Variants in FANCC observed in about 807,000 individuals in gnomAD.
The protein encoded by FANCC is FA complementation group C.
FANCC carries 55 observed loss-of-function variants against 71.3 expected under a neutral mutation model. The observed-to-expected ratio is 0.77, with a 90% CI of 0.62 to 0.97. The LOEUF (loss-of-function observed/expected upper bound fraction) is 0.97. Among genes scored for constraint, FANCC ranks in the 50% least tolerant of loss-of-function variants. FANCC has a pLI of 0.00. For missense variants in FANCC, 678 were observed against 670.9 expected, an observed-to-expected ratio of 1.01 and a Z score of -0.12; for synonymous variants, 275 against 244.9, an observed-to-expected ratio of 1.12 and a Z score of -1.15.
At chr9:95,257,731 A>G (rs991145431) in intron 1 of FANCC, among the ~76,000 whole-genome samples, 1 of 152,198 alleles carries the variant, frequency 6.6e-6, no homozygotes, top group Admixed American at 6.5e-5. Context: ...AAAAAAATCA[A>G]TGAATCCAGG....
At chr9:95,256,486 C>T (rs1373256097) in intron 1 of FANCC, among the ~76,000 whole-genome samples, 1 of 152,132 alleles carries the variant, frequency 6.6e-6, no homozygotes, top group Non-Finnish European at 1.5e-5. Flanking sequence ...CAGGCAAATG[C>T]TGAGAGATTC....
chr9:95,213,780 G>A (rs996935137), intron 4 of FANCC, among the ~76,000 whole-genome samples: 11 of 151,992 alleles, frequency 7.2e-5, no homozygotes, highest in Admixed American at 6.6e-4. Context: ...CCAAAGGCAC[G>A]GACAACAAAA....
chr9:95,261,908 G>C (rs1483203158), intron 1 of FANCC, among the ~76,000 whole-genome samples: 1 of 152,120 alleles, frequency 6.6e-6, no homozygotes, highest in Admixed American at 6.5e-5. Context: ...TGAGGGGCTG[G>C]GATAAAGTAC....
intron 10 of FANCC, among the ~76,000 whole-genome samples, chr9:95,118,857 T>C (rs1288598366): frequency 6.6e-6 from 1 of 152,242 alleles, no homozygotes; most frequent in Non-Finnish European, 1.5e-5. Flanking sequence ...GGGGCTGTCA[T>C]GAATAAAGCT....
intron 1 of FANCC, among the ~76,000 whole-genome samples, chr9:95,261,126 A>G (rs1389892487): frequency 6.6e-6 from 1 of 152,238 alleles, no homozygotes; most frequent in Non-Finnish European, 1.5e-5. Context: ...GGAATAAGAC[A>G]GTGTCACCCG....
Position 95,261,095 on chromosome 9 carries a change from G to A in FANCC, c.-78-11726C>T, listed in dbSNP as rs151298662. On this transcript the variant is annotated intron_variant, in intron 1 of 14. Transcript: ENST00000289081. The stretch of plus-strand genomic sequence containing the variant: ...GGCTTTGTCACAAAGAGGGAGAGAC[G>A]TTCAATTCATTATTCACGGAGGAAT... 8.6e-3 allele frequency among the ~76,000 whole-genome samples: 1,315 copies of A among 152,284 alleles called. 9 individuals carry two copies. Among genetic ancestry groups the A allele is most frequent in the Non-Finnish European group, 0.014 (945 of 68,034 alleles).
chr9:95,103,568 T>C (rs1417897685), intron 14 of FANCC, among the ~76,000 whole-genome samples: 1 of 151,788 alleles, frequency 6.6e-6, no homozygotes, highest in Non-Finnish European at 1.5e-5. Context: ...CAGGCACAAG[T>C]GAGGGAGCAA....
intron 4 of FANCC, among the ~76,000 whole-genome samples, chr9:95,211,412 T>C (rs185632284): frequency 2.1e-4 from 32 of 152,246 alleles, no homozygotes; most frequent in African/African-American, 7.5e-4. Flanking sequence ...ATATGTAGGG[T>C]ACTACTTGAC....
chr9:95,127,730 G>T (rs1370032166), intron 8 of FANCC, among the ~76,000 whole-genome samples: 1 of 152,228 alleles, frequency 6.6e-6, no homozygotes, highest in Non-Finnish European at 1.5e-5. Context: ...AAAAAAGGAG[G>T]CGCTCTGCTC....
At chr9:95,294,491 T>C in intron 1 of FANCC, 1 of 1,589,442 alleles carries the variant, frequency 6.3e-7, no homozygotes, top group Non-Finnish European at 8.6e-7. Context: ...AGCCCTCATC[T>C]GCCTCTGGGA....
intron 4 of FANCC, among the ~76,000 whole-genome samples, chr9:95,197,582 A>AG (rs1429541007): frequency 6.6e-6 from 1 of 152,208 alleles, no homozygotes; most frequent in Non-Finnish European, 1.5e-5. Flanking sequence ...TATGGTAGTT[A>AG]TAGTTGAGAC....
rs145346409 is a variant in FANCC, at chr9:95,172,137, G to A, written c.356C>T (p.Ser119Phe). The A allele has an allele frequency of 6.2e-7, 1 of 1,605,346 alleles. No individual in the cohort carries two copies. The highest frequency in any genetic ancestry group is 8.5e-7 in the Non-Finnish European group (1 of 1,172,882). Reference sequence around the variant, plus strand: ...AAATCTGAGTGCTGAAAGTATATGAGATAATACACCCTAAAAAACATAAAC... The same window carrying A: ...AAATCTGAGTGCTGAAAGTATATGAAATAATACACCCTAAAAAACATAAAC... ...KLNSWIQGVL[S>F]HILSALRFDK... The change falls in exon 5 of 15, where the codon TCT (serine) becomes TTT (phenylalanine). Residue 119 changes from serine (S) to phenylalanine (F), a missense_variant. Transcript: ENST00000289081.
At chr9:95,273,691 GAACT>G (rs1832866550) in intron 1 of FANCC, among the ~76,000 whole-genome samples, 1 of 152,144 alleles carries the variant, frequency 6.6e-6, no homozygotes. Context: ...TTCAGCCCAA[GAACT>G]AACCATTATC....
intron 4 of FANCC, among the ~76,000 whole-genome samples, chr9:95,212,955 A>G (rs577292819): frequency 6.6e-6 from 1 of 152,348 alleles, no homozygotes; most frequent in South Asian, 2.1e-4. Flanking sequence ...TTCCCAACAC[A>G]GTAGCCACTG....
At chr9:95,180,606 T>C (rs1022041381) in intron 4 of FANCC, among the ~76,000 whole-genome samples, 3 of 151,960 alleles carry the variant, frequency 2.0e-5, no homozygotes, top group African/African-American at 7.2e-5. Context: ...CCCAAAGCAC[T>C]GGGATTATAG....
intron 1 of FANCC, among the ~76,000 whole-genome samples, chr9:95,263,144 C>T (rs909100050): frequency 5.3e-5 from 8 of 152,142 alleles, no homozygotes. Context: ...AATGACAAAC[C>T]TACAGTGGCT....
At chr9:95,317,286 G>T (rs1467153606) in intron 1 of FANCC, 1 of 20,422 alleles carries the variant, frequency 4.9e-5, no homozygotes, top group African/African-American at 2.3e-4. Flanking sequence ...GCCCCGCCCC[G>T]CGGGCTGGCA....
At chr9:95,144,302 C>G (rs1456740049) in intron 7 of FANCC, among the ~76,000 whole-genome samples, 1 of 152,216 alleles carries the variant, frequency 6.6e-6, no homozygotes, top group East Asian at 1.9e-4. Context: ...GATTTGGACA[C>G]ACTGAAGACC....
chr9:95,165,847 T>C (rs751658787), intron 6 of FANCC, among the ~76,000 whole-genome samples: 4 of 152,028 alleles, frequency 2.6e-5, no homozygotes, highest in Non-Finnish European at 5.9e-5. Context: ...TTCAGTCTGG[T>C]TAATCAATAT....
Sources: allele counts gnomAD v4.1 joint callset (sites outside exome capture counted in the v4.1 genomes callset), GRCh38; gene constraint gnomAD v4.1.1; transcripts MANE v1.5; gene names NCBI Gene and HGNC (gene_info 2026-07-23, HGNC 2026-07-21).